The following PRKCB variants were observed in gnomAD, a reference collection of about 807,000 sequenced individuals.
PRKCB encodes protein kinase C beta, also known as protein kinase C beta type.
Under a neutral mutation model 81.5 loss-of-function variants are expected in PRKCB, and 13 were observed. That is an observed-to-expected ratio of 0.16 (90% CI 0.10 to 0.25). The LOEUF is 0.25. Ranked by LOEUF, PRKCB falls within the 10% of genes least tolerant of loss-of-function variation. The probability of loss-of-function intolerance (pLI) is 1.00; values close to 1 mark genes in which losing one functional copy is unlikely to be tolerated. For synonymous variants in PRKCB, 335 were observed against 321.4 expected, an observed-to-expected ratio of 1.04 and a Z score of -0.45; for missense variants, 509 against 875.7, an observed-to-expected ratio of 0.58 and a Z score of 5.29.
At chr16:24,161,384 T>C (rs996565910) in intron 10 of PRKCB, among the ~76,000 whole-genome samples, 7 of 152,126 alleles carry the variant, frequency 4.6e-5, no homozygotes, top group Non-Finnish European at 7.3e-5. Context: ...AATATTCACA[T>C]GGAAAAGAAT....
At position 24,044,512 on chromosome 16, in the gene PRKCB, A is replaced by G. The variant is rs138928850; in HGVS notation, c.529+8965A>G. 5.6e-4 allele frequency among the ~76,000 whole-genome samples: 85 copies of G among 152,362 alleles called. 2 individuals carry two copies. The East Asian group carries it at 0.015, about 26-fold the overall frequency. ...TTTCTATAGGTATATTATACTTCCT[A>G]TACTTTTATTATTTAAAAGTTTGTG... is the stretch of plus-strand genomic sequence containing the variant. On this transcript the variant is annotated intron_variant, in intron 5 of 16. Coordinates refer to ENST00000643927, the MANE Select transcript of PRKCB (RefSeq NM_002738.7).
chr16:24,078,691 T>C (rs1419814340), intron 5 of PRKCB, among the ~76,000 whole-genome samples: 1 of 152,188 alleles, frequency 6.6e-6, no homozygotes, highest in East Asian at 1.9e-4. Flanking sequence ...ATGCTAGTTA[T>C]TAAGAGACTG....
At chr16:23,892,411 T>A (rs1963309319) in intron 2 of PRKCB, among the ~76,000 whole-genome samples, 1 of 152,226 alleles carries the variant, frequency 6.6e-6, no homozygotes, top group Admixed American at 6.5e-5. Context: ...GAGCTTTAAT[T>A]CTTACTTCAG....
At chr16:23,971,934 T>C (rs920050732) in intron 2 of PRKCB, among the ~76,000 whole-genome samples, 7 of 152,132 alleles carry the variant, frequency 4.6e-5, no homozygotes, top group East Asian at 1.9e-4. Context: ...GGAATTAAAT[T>C]GTATGCCCAC....
intron 2 of PRKCB, among the ~76,000 whole-genome samples, chr16:23,847,689 C>A (rs376765765): frequency 6.6e-6 from 1 of 152,126 alleles, no homozygotes; most frequent in Non-Finnish European, 1.5e-5. Context: ...AGAACAGCAT[C>A]GCTGGCTTCA....
intron 2 of PRKCB, among the ~76,000 whole-genome samples, chr16:23,976,467 C>A (rs1055541081): frequency 6.6e-6 from 1 of 152,176 alleles, no homozygotes; most frequent in Non-Finnish European, 1.5e-5. Flanking sequence ...ATGCCTGAAT[C>A]CCCACTGTGG....
At chr16:24,004,276 T>C (rs899012728) in intron 3 of PRKCB, among the ~76,000 whole-genome samples, 1 of 151,982 alleles carries the variant, frequency 6.6e-6, no homozygotes, top group African/African-American at 2.4e-5. Context: ...TAAAAGATGC[T>C]TAAAGCACAG....
chr16:23,869,889 G>A (rs1962875242), intron 2 of PRKCB, among the ~76,000 whole-genome samples: 1 of 152,160 alleles, frequency 6.6e-6, no homozygotes, highest in Non-Finnish European at 1.5e-5. Flanking sequence ...AGGCATGCTG[G>A]CAGAGGCCTG....
At chr16:23,842,079 T>A (rs1214817535) in intron 2 of PRKCB, among the ~76,000 whole-genome samples, 2 of 151,940 alleles carry the variant, frequency 1.3e-5, no homozygotes, top group Non-Finnish European at 2.9e-5. Context: ...CCTCCCAAAG[T>A]GTTTGTTGTT....
At chr16:24,113,151 C>G in intron 8 of PRKCB, 82 bp downstream of exon 8, 1 of 979,396 alleles carries the variant, frequency 1.0e-6, no homozygotes, top group Non-Finnish European at 1.5e-6. Flanking sequence ...CTCTTTCTTT[C>G]TCTTTCTCTC....
chr16:24,220,129 AT>A lies in PRKCB; in HGVS notation c.*5314del, dbSNP rs1567418105. 7 of 1,613,936 alleles carry A rather than the reference AT, an allele frequency of 4.3e-6. No individual in the cohort carries two copies. The highest frequency in any genetic ancestry group is 5.9e-6 in the Non-Finnish European group (7 of 1,179,874). ...TAATGTGTAGGTGAATGCAAACTCC[AT>A]CGTTGAGCCTGGGGTGTAAGACTTC... On this transcript the variant is annotated 3_prime_UTR_variant, in exon 17 of 17. Coordinates refer to ENST00000643927, the MANE Select transcript of PRKCB (RefSeq NM_002738.7).
chr16:24,021,295 CT>C (rs1370852876), intron 3 of PRKCB, among the ~76,000 whole-genome samples: 2,658 of 12,964 alleles, frequency 0.21, 511 homozygotes, highest in African/African-American at 0.37. Flanking sequence ...CTCTCCCTCC[CT>C]TCCTTCCTTC....
intron 2 of PRKCB, among the ~76,000 whole-genome samples, chr16:23,970,456 G>C (rs1238250095): frequency 6.6e-6 from 1 of 152,210 alleles, no homozygotes; most frequent in Non-Finnish European, 1.5e-5. Context: ...GTGTGCTGAT[G>C]TGCAGGCAGA....
chr16:23,900,728 T>G (rs1221638008), intron 2 of PRKCB, among the ~76,000 whole-genome samples: 2 of 135,240 alleles, frequency 1.5e-5, no homozygotes, highest in Admixed American at 7.4e-5. Flanking sequence ...GTTTTTTTTT[T>G]TTTTTTTTTT....
At chr16:23,838,640 AGTTTTGT>A (rs1333067682) in intron 2 of PRKCB, among the ~76,000 whole-genome samples, 1 of 152,206 alleles carries the variant, frequency 6.6e-6, no homozygotes, top group Non-Finnish European at 1.5e-5. Flanking sequence ...ACTGACTGAC[AGTTTTGT>A]GGCTGCACCT....
chr16:24,021,325 T>A (rs193144993), intron 3 of PRKCB, among the ~76,000 whole-genome samples: 1 of 44,616 alleles, frequency 2.2e-5, no homozygotes. Flanking sequence ...CTTCCTTCCT[T>A]CCTTCCTTCC....
rs947551935 is a variant in PRKCB at position 24,176,346 on chromosome 16, G to A, written c.1394+1766G>A. On this transcript the variant is annotated intron_variant, in intron 12 of 16. Coordinates refer to ENST00000643927, the MANE Select transcript of PRKCB (RefSeq NM_002738.7). ...GAGGATCACTTGAGCCCAGGAGTTC[G>A]AAACTGCAGTGAGCTATGATTGTGC... Among the ~76,000 whole-genome samples the A allele has an allele frequency of 4.6e-5, 7 of 152,092 alleles. 1 individual carries two copies. The highest frequency in any genetic ancestry group is 1.3e-4 in the Admixed American group (2 of 15,264).
chr16:23,857,733 T>TGG (rs1962594787), intron 2 of PRKCB, among the ~76,000 whole-genome samples: 1 of 151,992 alleles, frequency 6.6e-6, no homozygotes, highest in South Asian at 2.1e-4. Flanking sequence ...TGTGTGTGTG[T>TGG]GGGTGTGTGC....
intron 10 of PRKCB, among the ~76,000 whole-genome samples, chr16:24,170,452 C>T (rs748636846): frequency 6.6e-6 from 1 of 152,006 alleles, no homozygotes; most frequent in Non-Finnish European, 1.5e-5. Flanking sequence ...ATAAGAGGGA[C>T]TTCAGTTCCC....
Sources: gnomAD v4.1 joint callset for allele counts (sites outside exome capture counted in the v4.1 genomes callset) on GRCh38, gnomAD v4.1.1 for gene constraint, MANE v1.5 for transcripts, NCBI Gene and HGNC (gene_info 2026-07-23, HGNC 2026-07-21) for gene names.